Variants in ZNF461 observed in about 807,000 individuals in gnomAD.
ZNF461 encodes the protein gonadotropin-inducible ovarian transcription factor-1.
In ZNF461, 16 loss-of-function variants were observed where a neutral mutation model predicts 18.3. The observed-to-expected ratio is 0.88, with a 90% confidence interval of 0.59 to 1.33. The LOEUF (loss-of-function observed/expected upper bound fraction) is 1.33, where lower values mean the gene tolerates loss of function less well. Among genes scored for constraint, ZNF461 ranks in the 40% most tolerant of loss-of-function variants. The probability of loss-of-function intolerance (pLI) is 0.00; values close to 1 mark genes in which losing one functional copy is unlikely to be tolerated. For missense variants in ZNF461, 595 were observed against 669.9 expected, an observed-to-expected ratio of 0.89 and a Z score of 1.23; for synonymous variants, 179 against 216.9, an observed-to-expected ratio of 0.83 and a Z score of 1.54.
At chr19:36,647,335 T>C (rs2037546175) in intron 4 of ZNF461, among the ~76,000 whole-genome samples, 1 of 152,120 alleles carries the variant, frequency 6.6e-6, no homozygotes, top group Non-Finnish European at 1.5e-5. Flanking sequence ...AGGTCAGTAG[T>C]TTGAGACCTG....
At chr19:36,663,958 T>C (rs138055473) in intron 2 of ZNF461, among the ~76,000 whole-genome samples, 2 of 152,230 alleles carry the variant, frequency 1.3e-5, no homozygotes, top group Admixed American at 1.3e-4. Flanking sequence ...AAGATATGTA[T>C]GTATGTGATA....
At chr19:36,659,033 A>C (rs1456086198) in intron 2 of ZNF461, among the ~76,000 whole-genome samples, 1 of 152,176 alleles carries the variant, frequency 6.6e-6, no homozygotes, top group Non-Finnish European at 1.5e-5. Flanking sequence ...AGAAGTGATT[A>C]TGTGACTTCT....
chr19:36,646,184 G>A (rs1190826960), intron 4 of ZNF461, among the ~76,000 whole-genome samples: 1 of 151,952 alleles, frequency 6.6e-6, no homozygotes, highest in East Asian at 1.9e-4. Flanking sequence ...AGGCTGGAGT[G>A]CAATGGTGTG....
chr19:36,652,704 G>A (rs2037650645), intron 4 of ZNF461, among the ~76,000 whole-genome samples: 1 of 151,990 alleles, frequency 6.6e-6, no homozygotes, highest in African/African-American at 2.4e-5. Context: ...CTGTTAAAAG[G>A]ATAAAAAGAC....
chr19:36,638,988 A>T lies in ZNF461; in HGVS notation c.1357T>A (p.Cys453Ser). Residue 453 changes from cysteine (C) to serine (S), a missense_variant, in exon 6 of 6, where the codon TGT becomes AGT. Physicochemically the swap from Cys to Ser is moderately radical, Grantham distance 112 (BLOSUM62 -1). Transcript: ENST00000588268. ...CKECGKTFRQ[C>S]SHLKRHQRIH... Reference sequence around the variant, plus strand: ...CTCTGATGTCTTTTGAGGTGTGAACACTGTCTAAAAGTCTTCCCACATTCC... The same window carrying T: ...CTCTGATGTCTTTTGAGGTGTGAACTCTGTCTAAAAGTCTTCCCACATTCC... 6.2e-7 allele frequency: 1 copy of T among 1,613,566 alleles called. No homozygotes were observed.
At chr19:36,644,413 C>T (rs1160332341) in intron 4 of ZNF461, among the ~76,000 whole-genome samples, 2 of 151,722 alleles carry the variant, frequency 1.3e-5, no homozygotes, top group African/African-American at 2.4e-5. Flanking sequence ...GGATTACAGG[C>T]GTGAACCACC....
rs1232942116 is a variant in ZNF461 at position 36,638,267 on chromosome 19, A to C, written c.*386T>G. 1 of 179,678 alleles carries C rather than the reference A, an allele frequency of 5.6e-6. No individual in the cohort carries two copies. The highest frequency in any genetic ancestry group is 1.2e-5 in the Non-Finnish European group (1 of 85,026). The allele number at this position is 179,678 out of a possible 1,614,324, so 11.1% of individuals were successfully genotyped here. On this transcript the variant is annotated 3_prime_UTR_variant, in exon 6 of 6. Coordinates refer to ENST00000588268, the MANE Select transcript of ZNF461 (RefSeq NM_153257.5). ...GGTAAAAGCTCCTCCAAACACATGCAAAAAATGCTTTCTGTGTACAGGTTG... is the reference window on the plus strand; with the variant it reads ...GGTAAAAGCTCCTCCAAACACATGCCAAAAATGCTTTCTGTGTACAGGTTG...
chr19:36,640,153 G>A lies in ZNF461; in HGVS notation c.302-110C>T, dbSNP rs2037399609. On this transcript the variant is annotated intron_variant, in intron 5 of 5. Coordinates refer to ENST00000588268, the MANE Select transcript of ZNF461 (RefSeq NM_153257.5). ...CAAATAATTCATATAAGAAATAAAA[G>A]GCTTGGAGAACTCTTAAATGGGTAA... 3.1e-5 allele frequency: 30 copies of A among 981,080 alleles called. No homozygotes were observed. In the South Asian group the frequency reaches 5.5e-4, roughly 18 times the overall value. 60.8% of individuals were successfully genotyped at this position (981,080 alleles called of 1,614,324 possible).
Position 36,666,677 on chromosome 19 carries a change from C to G in ZNF461, c.-81+13G>C, listed in dbSNP as rs2037950161. 1 of 152,394 alleles carries G rather than the reference C, an allele frequency of 6.6e-6. No homozygotes were observed. The highest frequency in any genetic ancestry group is 2.1e-4 in the South Asian group (1 of 4,826). 9.4% of individuals were successfully genotyped at this position (152,394 alleles called of 1,614,324 possible). On this transcript the variant is annotated intron_variant, in intron 1 of 5. Coordinates refer to ENST00000588268, the MANE Select transcript of ZNF461 (RefSeq NM_153257.5). ...ATTCCCTTCCGCGGCACTGGTGAGC[C>G]AGGATTTCTTACCTTCAGCATTCTC...
At chr19:36,664,257 G>C (rs1367602263) in intron 2 of ZNF461, among the ~76,000 whole-genome samples, 4 of 152,168 alleles carry the variant, frequency 2.6e-5, no homozygotes. Flanking sequence ...TCACTAGTAA[G>C]TTATTGTATA....
chr19:36,638,029 T>C lies in ZNF461; in HGVS notation c.*624A>G, dbSNP rs796159991. 3.6e-5 allele frequency: 8 copies of C among 220,596 alleles called. No homozygotes were observed. The highest frequency in any genetic ancestry group is 3.2e-4 in the South Asian group (6 of 18,608). The allele number at this position is 220,596 out of a possible 1,614,324, so 13.7% of individuals were successfully genotyped here. A position where few individuals can be genotyped will look rare whatever the true frequency, so the allele number is the denominator to read the frequency against. ...ATCCCACTGTTGGGAATCTGCACAA[T>C]AGAAACAAAAGAAGGTAAAATTAGA... On this transcript the variant is annotated 3_prime_UTR_variant, in exon 6 of 6. Transcript: ENST00000588268.
At chr19:36,655,466 G>C (rs541808829) in intron 4 of ZNF461, among the ~76,000 whole-genome samples, 17 of 152,312 alleles carry the variant, frequency 1.1e-4, no homozygotes, top group African/African-American at 3.6e-4. Context: ...ATGCATGGTG[G>C]CATGGGCCTG....
rs954934961 is a variant in ZNF461, at chr19:36,638,950, A to G, written c.1395T>C (p.Gly465=). The G allele has an allele frequency of 6.2e-7, 1 of 1,613,600 alleles. No individual in the cohort carries two copies. The highest frequency in any genetic ancestry group is 1.1e-5 in the South Asian group (1 of 91,064). The change falls in exon 6 of 6, where the codon GGT becomes GGC. Residue 465 remains glycine (G), a synonymous_variant. Transcript: ENST00000588268. ...ATATCATGCATTCATGAGGTTTCTC[A>G]CCAGTATGAATTCTCTGATGTCTTT... The part of the protein sequence containing the change: ...HLKRHQRIHT[G]EKPHECMICG...
rs1228781108 is a variant in ZNF461, at chr19:36,665,765, A to AG, written c.-81+924dup. Among the ~76,000 whole-genome samples, 34 of 132,564 alleles carry AG rather than the reference A, an allele frequency of 2.6e-4. No individual in the cohort carries two copies. In the South Asian group the frequency reaches 2.8e-3, roughly 11 times the overall value. The allele number at this position is 132,564 out of a possible 152,430, so 87.0% of individuals were successfully genotyped here. A position where few individuals can be genotyped will look rare whatever the true frequency, so the allele number is the denominator to read the frequency against. On this transcript the variant is annotated intron_variant, in intron 1 of 5. Transcript: ENST00000588268. ...ACAATGTGTATTGTGGCCAAATCTC[A>AG]GAAAAAAAAAATCAAACACATAGGT...
intron 4 of ZNF461, 102 bp from the exon 5 acceptor site, chr19:36,643,964 C>A: frequency 1.0e-6 from 1 of 967,388 alleles, no homozygotes; most frequent in Non-Finnish European, 1.4e-6. Flanking sequence ...CAGAGTTTCG[C>A]TCTTGTTGCC....
At chr19:36,642,313 G>A (rs1481756538) in intron 5 of ZNF461, among the ~76,000 whole-genome samples, 3 of 152,134 alleles carry the variant, frequency 2.0e-5, no homozygotes, top group African/African-American at 4.8e-5. Flanking sequence ...TCTAGTGACA[G>A]TCACACACTG....
chr19:36,650,242 T>G (rs2037603252), intron 4 of ZNF461, among the ~76,000 whole-genome samples: 1 of 152,000 alleles, frequency 6.6e-6, no homozygotes, highest in African/African-American at 2.4e-5. Context: ...GGAAAAAATT[T>G]TCAAAACAAC....
At chr19:36,657,869 T>G (rs1386583663) in intron 3 of ZNF461, 1 of 154,882 alleles carries the variant, frequency 6.5e-6, no homozygotes. Context: ...TAAATGAACC[T>G]TTATTACTCC....
At chr19:36,655,089 A>C (rs1167414582) in intron 4 of ZNF461, among the ~76,000 whole-genome samples, 1 of 152,164 alleles carries the variant, frequency 6.6e-6, no homozygotes, top group Non-Finnish European at 1.5e-5. Context: ...CCTGGGCTCA[A>C]GTGATCTCCC....
Sources: gnomAD v4.1 joint callset for allele counts (sites outside exome capture counted in the v4.1 genomes callset) on GRCh38, gnomAD v4.1.1 for gene constraint, MANE v1.5 for transcripts, NCBI Gene and HGNC (gene_info 2026-07-23, HGNC 2026-07-21) for gene names.